The following ESR1 variants were observed in gnomAD, a reference collection of about 807,000 sequenced individuals.
ESR1 encodes estrogen receptor.
A neutral mutation model predicts 52.7 loss-of-function variants in ESR1; 12 were observed. The observed-to-expected ratio is 0.23, with a 90% CI of 0.15 to 0.37. ESR1 has a LOEUF of 0.37. Among genes scored for constraint, ESR1 ranks in the 10% least tolerant of loss-of-function variants. The probability of loss-of-function intolerance (pLI) is 1.00; values close to 1 mark genes in which losing one functional copy is unlikely to be tolerated. For synonymous variants in ESR1, 305 were observed against 316.8 expected (o/e 0.96, Z 0.39); for missense variants, 584 against 779.7 (o/e 0.75, Z 2.99).
intron 6 of ESR1, among the ~76,000 whole-genome samples, chr6:152,079,236 C>T (rs558769562): frequency 2.6e-5 from 4 of 152,206 alleles, no homozygotes; most frequent in East Asian, 3.9e-4. Context: ...CAGTAGGGGC[C>T]GACAGACACT....
At chr6:151,822,339 G>T (rs1489421115) in intron 1 of ESR1, among the ~76,000 whole-genome samples, 1 of 152,032 alleles carries the variant, frequency 6.6e-6, no homozygotes, top group Non-Finnish European at 1.5e-5. Context: ...AAAATTGAAG[G>T]CCAAAATGTA....
chr6:151,783,674 A>C (rs1359757568), intron 2 of ESR1, among the ~76,000 whole-genome samples: 1 of 152,220 alleles, frequency 6.6e-6, no homozygotes, highest in African/African-American at 2.4e-5. Context: ...CGTATTAGTA[A>C]CTAACATCTT....
At position 152,098,775 on chromosome 6, in the gene ESR1, G is replaced by C. The variant is rs778116774; in HGVS notation, c.1597G>C (p.Val533Leu). The change falls in exon 8 of 8, where the codon GTG (valine) becomes CTG (leucine). Residue 533 changes from valine (V) to leucine (L), a missense_variant. Coordinates refer to ENST00000206249, the MANE Select transcript of ESR1 (RefSeq NM_000125.4). The surrounding 1 kb of genome is among the most constrained non-coding windows in gnomAD (Gnocchi z 5.1). Reference sequence around the variant, plus strand: ...TCTGTACAGCATGAAGTGCAAGAACGTGGTGCCCCTCTATGACCTGCTGCT... The same window carrying C: ...TCTGTACAGCATGAAGTGCAAGAACCTGGTGCCCCTCTATGACCTGCTGCT... ...EHLYSMKCKNVVPLYDLLLEM... is the reference protein window; with the variant it reads ...EHLYSMKCKNLVPLYDLLLEM... 9.3e-6 allele frequency: 15 copies of C among 1,614,044 alleles called. No individual in the cohort carries two copies. Among genetic ancestry groups the C allele is most frequent in the Non-Finnish European group, 1.2e-5 (14 of 1,180,032 alleles).
At chr6:151,857,838 A>G (rs1415935722) in intron 2 of ESR1, among the ~76,000 whole-genome samples, 1 of 152,184 alleles carries the variant, frequency 6.6e-6, no homozygotes, top group Non-Finnish European at 1.5e-5. Flanking sequence ...TGCAATGGGT[A>G]TAGACTTTTG....
In ESR1 at chr6:151,899,842, G is replaced by A. The variant is rs975293475; in HGVS notation, c.760+19071G>A. On this transcript the variant is annotated intron_variant, in intron 3 of 7. Coordinates refer to ENST00000206249, the MANE Select transcript of ESR1 (RefSeq NM_000125.4). ...CTCCTCACTTCCTAGATGGGATGGCGGCCGGGAAGAGGCGCTCCTCACTTC... is the reference window on the plus strand; with the variant it reads ...CTCCTCACTTCCTAGATGGGATGGCAGCCGGGAAGAGGCGCTCCTCACTTC... 2.0e-3 allele frequency among the ~76,000 whole-genome samples: 300 copies of A among 151,030 alleles called. 1 individual carries two copies. The highest frequency in any genetic ancestry group is 6.7e-3 in the African/African-American group (274 of 41,016).
chr6:151,699,432 C>T (rs181523723), intron 1 of ESR1, among the ~76,000 whole-genome samples: 1 of 152,202 alleles, frequency 6.6e-6, no homozygotes, highest in East Asian at 1.9e-4. Context: ...AAATTTATTG[C>T]CAATTTTATT....
At chr6:151,801,593 A>AT (rs1329169757), upstream of ESR1, among the ~76,000 whole-genome samples, 2 of 152,152 alleles carry the variant, frequency 1.3e-5, no homozygotes, top group South Asian at 2.1e-4. Context: ...CAAATCATGC[A>AT]TTTTTTTCCT....
intron 4 of ESR1, among the ~76,000 whole-genome samples, chr6:151,957,066 A>G (rs1406483591): frequency 1.3e-5 from 2 of 151,294 alleles, no homozygotes; most frequent in African/African-American, 4.9e-5. Flanking sequence ...TTTAGTAGAG[A>G]TGGGCTTTCA....
chr6:151,852,408 C>T (rs1714456967), intron 2 of ESR1, among the ~76,000 whole-genome samples: 1 of 152,110 alleles, frequency 6.6e-6, no homozygotes, highest in Non-Finnish European at 1.5e-5. Context: ...TATAAGCATT[C>T]CCTGAATCTT....
At chr6:151,826,384 T>C (rs1205223129) in intron 1 of ESR1, among the ~76,000 whole-genome samples, 1 of 152,072 alleles carries the variant, frequency 6.6e-6, no homozygotes, top group Non-Finnish European at 1.5e-5. Flanking sequence ...GACAAAACCA[T>C]GAGAGGATAG....
At position 151,706,347 on chromosome 6, in the gene ESR1, A is replaced by C. The variant is rs183474107; in HGVS notation, c.-71+4342A>C. Among the ~76,000 whole-genome samples the C allele has an allele frequency of 1.4e-4, 21 of 152,324 alleles. No individual in the cohort carries two copies. In the East Asian group the frequency reaches 3.9e-3, roughly 28 times the overall value. ...CATTTCTTCAACTGACTTTGGCAAC[A>C]GGAGAGATTGACTAGTGGGCTTGAA... is the stretch of plus-strand genomic sequence containing the variant. On this transcript the variant is annotated intron_variant, in intron 2 of 2. Coordinates refer to the ESR1 transcript ENST00000404742.
intron 2 of ESR1, among the ~76,000 whole-genome samples, chr6:151,789,362 A>G (rs1787313613): frequency 6.6e-6 from 1 of 152,254 alleles, no homozygotes; most frequent in Admixed American, 6.5e-5. Flanking sequence ...ATGAACATGT[A>G]TCAATACAAT....
intron 5 of ESR1, among the ~76,000 whole-genome samples, chr6:152,013,954 CCCATGTGTCATGGG>C (rs1437978496): frequency 9.2e-5 from 14 of 152,118 alleles, no homozygotes; most frequent in Admixed American, 9.2e-4. Context: ...TCCCATAGTT[CCCATGTGTCATGGG>C]AGGGACCCGG....
In ESR1 at chr6:152,025,514, A is replaced by G. The variant is rs2044072718; in HGVS notation, c.1235+13720A>G. On this transcript the variant is annotated intron_variant, in intron 5 of 7. Transcript: ENST00000206249. ...TTATCCATTTCTTCTTGGTATTCCA[A>G]TTTTTCACATTGAGTTGGACAAATG... Among the ~76,000 whole-genome samples the G allele has an allele frequency of 3.3e-5, 5 of 151,824 alleles. No homozygotes were observed. The South Asian group carries it at 1.0e-3, about 32-fold the overall frequency.
chr6:151,668,294 T>G (rs1199996882), intron 1 of ESR1, among the ~76,000 whole-genome samples: 1 of 152,058 alleles, frequency 6.6e-6, no homozygotes, highest in Non-Finnish European at 1.5e-5. Context: ...TTTCTTTTTT[T>G]TTGAGATAGA....
At chr6:151,970,043 C>A (rs1444551953) in intron 4 of ESR1, among the ~76,000 whole-genome samples, 1 of 152,040 alleles carries the variant, frequency 6.6e-6, no homozygotes, top group Non-Finnish European at 1.5e-5. Context: ...TGGGCTTCTG[C>A]CTTCTAGACG....
At chr6:151,767,330 T>G (rs774024416) in intron 2 of ESR1, among the ~76,000 whole-genome samples, 24 of 152,242 alleles carry the variant, frequency 1.6e-4, no homozygotes, top group Middle Eastern at 3.2e-3. Context: ...TTTTCTCTCA[T>G]GCAAATTCTA....
chr6:151,737,993 A>C (rs1782802884), intron 2 of ESR1, among the ~76,000 whole-genome samples: 1 of 152,148 alleles, frequency 6.6e-6, no homozygotes, highest in African/African-American at 2.4e-5. Flanking sequence ...TTGTGGTTTT[A>C]ATGTTTTGTT....
At chr6:151,995,422 G>A (rs2041396461) in intron 4 of ESR1, among the ~76,000 whole-genome samples, 1 of 152,038 alleles carries the variant, frequency 6.6e-6, no homozygotes, top group South Asian at 2.1e-4. Flanking sequence ...TACATGACAG[G>A]AAGTATGAGA....
Sources: gnomAD v4.1 joint callset for allele counts (sites outside exome capture counted in the v4.1 genomes callset) on GRCh38, gnomAD v4.1.1 for gene constraint, Gnocchi (gnomAD v3.1) non-coding constraint, MANE v1.5 for transcripts, NCBI Gene and HGNC (gene_info 2026-07-23, HGNC 2026-07-21) for gene names.